NEDD4L: variants seen among roughly 807,000 people sequenced by gnomAD.
The protein encoded by NEDD4L is E3 ubiquitin-protein ligase NEDD4-like.
Under a neutral mutation model 148.9 loss-of-function variants are expected in NEDD4L, and 54 were observed. The observed-to-expected ratio is 0.36, with a 90% confidence interval of 0.29 to 0.45. NEDD4L has a LOEUF of 0.45. Ranked by LOEUF, NEDD4L falls within the 20% of genes least tolerant of loss-of-function variation. The pLI, the probability that NEDD4L is intolerant of heterozygous loss-of-function variation, is 1.00. For missense variants in NEDD4L, 856 were observed against 1,233.8 expected (o/e 0.69, Z 4.59); for synonymous variants, 433 against 440.7 (o/e 0.98, Z 0.22).
At chr18:58,174,816 G>A (rs1466742454) in intron 2 of NEDD4L, among the ~76,000 whole-genome samples, 4 of 152,168 alleles carry the variant, frequency 2.6e-5, no homozygotes, top group Non-Finnish European at 2.9e-5. Context: ...CAAGTAACGA[G>A]GGGAGGGGCT....
chr18:58,149,225 C>T, intron 1 of NEDD4L: 1 of 294,548 alleles, frequency 3.4e-6, no homozygotes, highest in Non-Finnish European at 6.2e-6. Flanking sequence ...GATTTCATTG[C>T]ATTTCCTGAA....
chr18:58,207,462 G>A (rs1331197781), intron 2 of NEDD4L, among the ~76,000 whole-genome samples: 1 of 151,156 alleles, frequency 6.6e-6, no homozygotes, highest in Non-Finnish European at 1.5e-5. Context: ...GCATAGATGG[G>A]AGTGAGAGTG....
chr18:58,179,715 C>A (rs2038612229), intron 2 of NEDD4L, among the ~76,000 whole-genome samples: 1 of 151,746 alleles, frequency 6.6e-6, no homozygotes, highest in African/African-American at 2.4e-5. Context: ...GAATCTAACG[C>A]CTGATGATCC....
rs1372119287 is a variant in NEDD4L, at chr18:58,128,298, C to T, written c.49-37490C>T. 2.6e-5 allele frequency among the ~76,000 whole-genome samples: 4 copies of T among 152,190 alleles called. No homozygotes were observed. In the South Asian group the frequency reaches 6.2e-4, roughly 24 times the overall value. The stretch of plus-strand genomic sequence containing the variant: ...CTGGCCTCAGGTGATCCACCCGCCT[C>T]GGCCTCCCAGCGTGCTCATTTATTT... On this transcript the variant is annotated intron_variant, in intron 1 of 30. Transcript: ENST00000400345.
chr18:58,380,108 A>C (rs2048140737), intron 24 of NEDD4L, among the ~76,000 whole-genome samples: 1 of 151,940 alleles, frequency 6.6e-6, no homozygotes, highest in Non-Finnish European at 1.5e-5. Flanking sequence ...ATTAACCTCC[A>C]TAATAAAAAT....
At chr18:58,155,799 CAG>C (rs1453493309) in intron 1 of NEDD4L, among the ~76,000 whole-genome samples, 1 of 152,166 alleles carries the variant, frequency 6.6e-6, no homozygotes, top group Non-Finnish European at 1.5e-5. Context: ...AGTGAGGAAT[CAG>C]GGATGGGTTT....
At chr18:58,073,515 A>G (rs572573323) in intron 1 of NEDD4L, among the ~76,000 whole-genome samples, 2 of 152,376 alleles carry the variant, frequency 1.3e-5, no homozygotes, top group African/African-American at 4.8e-5. Context: ...TGGTATATCC[A>G]TACAATGGGA....
chr18:58,084,738 A>G (rs916411668), intron 1 of NEDD4L, among the ~76,000 whole-genome samples: 4 of 146,720 alleles, frequency 2.7e-5, no homozygotes, highest in Non-Finnish European at 5.9e-5. Context: ...TCTGTCACCT[A>G]GGCTGGAATG....
Position 58,367,735 on chromosome 18 carries a change from C to T in NEDD4L, c.2064-11C>T, listed in dbSNP as rs2046314769. The T allele has an allele frequency of 6.2e-7, 1 of 1,612,174 alleles. No homozygotes were observed. Among genetic ancestry groups the T allele is most frequent in the Non-Finnish European group, 8.5e-7 (1 of 1,179,320 alleles). On this transcript the variant is annotated splice_polypyrimidine_tract_variant and intron_variant, in intron 21 of 30. Transcript: ENST00000400345. ...GTGTGATTGGGCTTTTCTTCTCTTT[C>T]TCCTCAAAAGGGACAACTACACCCT... is the stretch of plus-strand genomic sequence containing the variant.
intron 23 of NEDD4L, 107 bp downstream of exon 23, chr18:58,370,574 T>G: frequency 1.3e-6 from 1 of 746,092 alleles, no homozygotes; most frequent in Non-Finnish European, 2.5e-6. Context: ...GGGTGTTGCA[T>G]TCCATGTGAA....
At chr18:58,166,647 C>T (rs561804869) in intron 2 of NEDD4L, among the ~76,000 whole-genome samples, 3 of 152,218 alleles carry the variant, frequency 2.0e-5, no homozygotes, top group Non-Finnish European at 4.4e-5. Context: ...GTGCAGGTCA[C>T]GTGGGCCAGT....
chr18:58,068,108 T>A (rs889492978), intron 1 of NEDD4L, among the ~76,000 whole-genome samples: 4 of 151,892 alleles, frequency 2.6e-5, no homozygotes, highest in African/African-American at 9.7e-5. Flanking sequence ...TACAGACATG[T>A]GCCACTACAC....
At chr18:58,371,832 G>C (rs7230356) in intron 23 of NEDD4L, 41,080 of 152,080 alleles carry the variant, frequency 0.27, 5,766 homozygotes, top group Middle Eastern at 0.35. Flanking sequence ...GCAGCTAGGA[G>C]CACAGGAATT....
chr18:58,322,034 A>G (rs2058826437), intron 6 of NEDD4L, among the ~76,000 whole-genome samples: 1 of 152,210 alleles, frequency 6.6e-6, no homozygotes, highest in African/African-American at 2.4e-5. Context: ...CAAAGATTAA[A>G]TCTTGTATAT....
rs953795445 is a variant in NEDD4L, at chr18:58,256,151, G to A, written c.297+4097G>A. ...AGGGCTCCAGGTCAACGGCACGTGC[G>A]GCCGCCGCGTGCGGTGCTCCGGCCC... On this transcript the variant is annotated intron_variant, in intron 5 of 30. Transcript: ENST00000400345. The surrounding 1 kb of genome is among the most constrained non-coding windows in gnomAD (Gnocchi z 5.2). 90 of 1,221,076 alleles carry A rather than the reference G, an allele frequency of 7.4e-5. No homozygotes were observed. Among genetic ancestry groups the A allele is most frequent in the Non-Finnish European group, 7.9e-5 (78 of 981,362 alleles). 75.6% of individuals were successfully genotyped at this position (1,221,076 alleles called of 1,614,324 possible). A position where few individuals can be genotyped will look rare whatever the true frequency, so the allele number is the denominator to read the frequency against.
chr18:58,081,258 T>C (rs1164308495), intron 1 of NEDD4L, among the ~76,000 whole-genome samples: 3 of 146,632 alleles, frequency 2.0e-5, no homozygotes, highest in Non-Finnish European at 1.5e-5. Flanking sequence ...CTCTGTCGTC[T>C]GGGCTGGAGT....
At chr18:58,389,435 T>G (rs2049494406) in intron 28 of NEDD4L, 1 of 370,164 alleles carries the variant, frequency 2.7e-6, no homozygotes. Context: ...CTGGCCTTCC[T>G]TGACCACCTC....
chr18:58,212,929 T>A (rs370632318), intron 2 of NEDD4L, among the ~76,000 whole-genome samples: 2 of 149,276 alleles, frequency 1.3e-5, no homozygotes, highest in African/African-American at 5.1e-5. Context: ...AGAATGTTAA[T>A]ATAGAATACA....
intron 4 of NEDD4L, 80 bp downstream of exon 4, chr18:58,249,017 G>C (rs2047598359): frequency 2.9e-6 from 2 of 691,602 alleles, no homozygotes; most frequent in African/African-American, 3.7e-5. Context: ...TTGAGGAAAA[G>C]CTCTTAAATT....
Sources: allele counts gnomAD v4.1 joint callset (sites outside exome capture counted in the v4.1 genomes callset), GRCh38; gene constraint gnomAD v4.1.1; non-coding constraint Gnocchi (gnomAD v3.1); transcripts MANE v1.5; gene names NCBI Gene and HGNC (gene_info 2026-07-23, HGNC 2026-07-21).